The following ENTREP2 variants were observed in gnomAD, a reference collection of about 807,000 sequenced individuals.
ENTREP2 encodes the protein endosomal transmembrane epsin interactor 2.
chr15:29,132,122 A>C, the ENTREP2 span, among the ~76,000 whole-genome samples: 3 of 152,022 alleles, frequency 2.0e-5, no homozygotes, highest in Non-Finnish European at 4.4e-5. Context: ...TCTTTATCCA[A>C]ACTGAGGCCG....
chr15:29,603,149 A>T, the ENTREP2 span, among the ~76,000 whole-genome samples: 1 of 152,138 alleles, frequency 6.6e-6, no homozygotes, highest in Non-Finnish European at 1.5e-5. Flanking sequence ...GTGGGGGAAG[A>T]AGCTGTGAAA....
chr15:29,127,009 C>T, the ENTREP2 span, among the ~76,000 whole-genome samples: 2 of 152,128 alleles, frequency 1.3e-5, no homozygotes, highest in Non-Finnish European at 2.9e-5. Context: ...GCAGCCTTGC[C>T]CTGGGAACAA....
At chr15:29,297,807 C>T in the ENTREP2 span, among the ~76,000 whole-genome samples, 773 of 152,158 alleles carry the variant, frequency 5.1e-3, 4 homozygotes, top group African/African-American at 0.018. Flanking sequence ...TGAAATGCTT[C>T]GGCTCTTGAA....
chr15:29,187,793 A>G, the ENTREP2 span, among the ~76,000 whole-genome samples: 1 of 152,242 alleles, frequency 6.6e-6, no homozygotes, highest in Non-Finnish European at 1.5e-5. Flanking sequence ...GACAGGAGAA[A>G]TGCCGGGCAG....
chr15:29,605,005 C>A, the ENTREP2 span, among the ~76,000 whole-genome samples: 8 of 152,298 alleles, frequency 5.3e-5, no homozygotes, highest in African/African-American at 1.9e-4. Flanking sequence ...GCAGGCTAAC[C>A]TCAAACACTC....
At chr15:29,349,505 T>A in the ENTREP2 span, among the ~76,000 whole-genome samples, 7 of 152,206 alleles carry the variant, frequency 4.6e-5, no homozygotes, top group Admixed American at 4.6e-4. Flanking sequence ...ATAAATGATA[T>A]TGCAATTTAG....
chr15:29,334,652 TCTC>T, the ENTREP2 span, among the ~76,000 whole-genome samples: 5 of 152,270 alleles, frequency 3.3e-5, no homozygotes, highest in Admixed American at 6.5e-5. Context: ...AAAGGTGGCT[TCTC>T]CTCCTGAAGG....
the ENTREP2 span, among the ~76,000 whole-genome samples, chr15:29,420,660 A>G: frequency 2.6e-5 from 4 of 152,198 alleles, no homozygotes; most frequent in Admixed American, 2.6e-4. Context: ...TAAACAACCT[A>G]GAGGCCAATA....
the ENTREP2 span, among the ~76,000 whole-genome samples, chr15:29,357,324 C>T: frequency 2.6e-5 from 4 of 151,776 alleles, no homozygotes; most frequent in East Asian, 3.9e-4. Context: ...CAGAAAGTAT[C>T]CCCAGTGAAG....
At chr15:29,236,189 A>G in the ENTREP2 span, among the ~76,000 whole-genome samples, 12 of 152,318 alleles carry the variant, frequency 7.9e-5, no homozygotes, top group African/African-American at 2.9e-4. Context: ...AAATATAACT[A>G]CAGACCCTGC....
At chr15:29,587,442 T>C in the ENTREP2 span, among the ~76,000 whole-genome samples, 3,406 of 152,268 alleles carry the variant, frequency 0.022, 114 homozygotes, top group African/African-American at 0.077. Flanking sequence ...AATTTTTTTC[T>C]GAGTGCCAAT....
chr15:29,546,530 CT>C, the ENTREP2 span, among the ~76,000 whole-genome samples: 1 of 152,130 alleles, frequency 6.6e-6, no homozygotes, highest in Non-Finnish European at 1.5e-5. Context: ...CCAATCGCCA[CT>C]TTGTGAAAAT....
At chr15:29,363,866 G>C in the ENTREP2 span, among the ~76,000 whole-genome samples, 1 of 152,094 alleles carries the variant, frequency 6.6e-6, no homozygotes, top group Admixed American at 6.5e-5. Context: ...CCACCACTCC[G>C]GGGACAGCAT....
chr15:29,429,136 T>C, the ENTREP2 span, among the ~76,000 whole-genome samples: 1 of 152,104 alleles, frequency 6.6e-6, no homozygotes, highest in East Asian at 1.9e-4. Flanking sequence ...CATTCATCTA[T>C]CTTGAGATGT....
the ENTREP2 span, among the ~76,000 whole-genome samples, chr15:29,317,850 A>C: frequency 6.6e-6 from 1 of 152,244 alleles, no homozygotes; most frequent in South Asian, 2.1e-4. Context: ...CTCAGCACTG[A>C]CCCACAGAAG....
chr15:29,341,051 A>G, the ENTREP2 span, among the ~76,000 whole-genome samples: 1 of 152,210 alleles, frequency 6.6e-6, no homozygotes, highest in African/African-American at 2.4e-5. Flanking sequence ...CCCGCCTTCC[A>G]GTGAAGGAGA....
chr15:29,280,179 C>T, the ENTREP2 span, among the ~76,000 whole-genome samples: 1 of 152,332 alleles, frequency 6.6e-6, no homozygotes, highest in African/African-American at 2.4e-5. Flanking sequence ...AAAGACGTAT[C>T]TCTACTCGCA....
At chr15:29,329,670 G>C in the ENTREP2 span, among the ~76,000 whole-genome samples, 1 of 152,176 alleles carries the variant, frequency 6.6e-6, no homozygotes, top group African/African-American at 2.4e-5. Context: ...CATACAAAAT[G>C]AGCCAGGAAC....
chr15:29,478,766 G>A, the ENTREP2 span, among the ~76,000 whole-genome samples: 11 of 151,242 alleles, frequency 7.3e-5, no homozygotes, highest in Admixed American at 5.9e-4. Context: ...TTAGCTGGGC[G>A]TGGTGGTGGG....
Sources: allele counts gnomAD v4.1 joint callset (sites outside exome capture counted in the v4.1 genomes callset), GRCh38; gene constraint gnomAD v4.1.1; transcripts MANE v1.5; gene names NCBI Gene and HGNC (gene_info 2026-07-23, HGNC 2026-07-21).